BCS1L: variants seen among roughly 807,000 people sequenced by gnomAD.
The protein encoded by BCS1L is mitochondrial chaperone BCS1.
In BCS1L, 38 loss-of-function variants were observed where a neutral mutation model predicts 49.3. The ratio of observed to expected loss-of-function variants is 0.77; its 90% CI spans 0.59 to 1.01. The LOEUF is 1.01. BCS1L is among the 50% of genes least tolerant of loss of function. BCS1L has a pLI of 0.00. For synonymous variants in BCS1L, 193 were observed against 210.1 expected (o/e 0.92, Z 0.70); for missense variants, 394 against 540.2 (o/e 0.73, Z 2.68).
rs755144788 is a variant in BCS1L, at chr2:218,661,013, C to T, written c.26C>T (p.Ala9Val). The change falls in exon 2 of 8, where the codon GCT (alanine) becomes GTT (valine). Residue 9 changes from alanine to valine, a missense_variant. Ala to Val is a moderately conservative substitution (Grantham distance 64). Transcript: ENST00000359273. The surrounding 1 kb of genome is among the most constrained non-coding windows in gnomAD (Gnocchi z 5.9). ...ATGCCACTTTCAGACTTTATTCTGG[C>T]TCTGAAGGACAATCCCTACTTTGGG... is the stretch of plus-strand genomic sequence containing the variant. Reference protein sequence around the residue: MPLSDFILALKDNPYFGAG... With the variant: MPLSDFILVLKDNPYFGAG... The T allele has an allele frequency of 1.9e-6, 3 of 1,613,984 alleles. No individual in the cohort carries two copies. Among genetic ancestry groups the T allele is most frequent in the East Asian group, 2.2e-5 (1 of 44,888 alleles).
chr2:218,660,866 C>T (rs535522659), intron 1 of BCS1L, 73 bp from the exon 2 acceptor site: 121 of 1,102,906 alleles, frequency 1.1e-4, no homozygotes, highest in Non-Finnish European at 1.6e-4. Flanking sequence ...GTAATGCTGA[C>T]CTGTGGCCAG....
intron 7 of BCS1L, 60 bp downstream of exon 7, chr2:218,663,060 T>C: frequency 1.2e-6 from 2 of 1,613,136 alleles, no homozygotes; most frequent in Non-Finnish European, 1.7e-6. Context: ...CCCTAGTGCC[T>C]TGGGAGGAAC....
In BCS1L at chr2:218,661,697, T is replaced by C; in HGVS notation, c.461-62T>C. The C allele has an allele frequency of 6.3e-7, 1 of 1,590,808 alleles. No homozygotes were observed. The highest frequency in any genetic ancestry group is 8.6e-7 in the Non-Finnish European group (1 of 1,166,610). The stretch of plus-strand genomic sequence containing the variant: ...GGAAGCTGTTTGGCACAGCTCCACC[T>C]AATTGAAGAATCAGCCATGGTGAAG... On this transcript the variant is annotated intron_variant, in intron 3 of 7. Transcript: ENST00000359273. The surrounding 1 kb of genome is among the most constrained non-coding windows in gnomAD (Gnocchi z 5.9).
In BCS1L at chr2:218,663,267, G is replaced by A; in HGVS notation, c.1141G>A (p.Ala381Thr). Residue 381 changes from alanine to threonine, a missense_variant, in exon 8 of 8, where the codon GCA becomes ACA. Coordinates refer to ENST00000359273, the MANE Select transcript of BCS1L (RefSeq NM_001079866.2). ...GQAPSLAENF[A>T]EHVLRATNQI... ...GGCACCTTCCTTAGCTGAGAACTTT[G>A]CAGAACATGTCCTTCGAGCTACAAA... The A allele has an allele frequency of 6.2e-7, 1 of 1,614,210 alleles. No homozygotes were observed. Among genetic ancestry groups the A allele is most frequent in the Non-Finnish European group, 8.5e-7 (1 of 1,180,038 alleles).
At position 218,662,237 on chromosome 2, in the gene BCS1L, T is replaced by A; in HGVS notation, c.696T>A (p.Pro232=). The A allele has an allele frequency of 3.1e-6, 5 of 1,614,078 alleles. No individual in the cohort carries two copies. Among genetic ancestry groups the A allele is most frequent in the Non-Finnish European group, 4.2e-6 (5 of 1,179,948 alleles). The change falls in exon 5 of 8, where the codon CCT becomes CCA. Residue 232 remains proline (P), a synonymous_variant. Coordinates refer to ENST00000359273, the MANE Select transcript of BCS1L (RefSeq NM_001079866.2). This position sits in a 1 kb window ranked among gnomAD's most constrained non-coding sequence, Gnocchi z 5.8. Reference sequence around the variant, plus strand: ...GTGGCTACCTGCTTTATGGGCCCCCTGGTTGCGGAAAGAGCAGTTTTATGT... The same window carrying A: ...GTGGCTACCTGCTTTATGGGCCCCCAGGTTGCGGAAAGAGCAGTTTTATGT... ...YRRGYLLYGP[P]GCGKSSFITA...
chr2:218,659,788 G>C lies in BCS1L; in HGVS notation c.-50+45G>C, dbSNP rs1464307421. 6.6e-6 allele frequency: 1 copy of C among 152,468 alleles called. No individual in the cohort carries two copies. The highest frequency in any genetic ancestry group is 2.4e-5 in the African/African-American group (1 of 41,454). The allele number at this position is 152,468 out of a possible 1,614,324, so 9.4% of individuals were successfully genotyped here. A position where few individuals can be genotyped will look rare whatever the true frequency, so the allele number is the denominator to read the frequency against. On this transcript the variant is annotated intron_variant, in intron 1 of 7. Coordinates refer to ENST00000359273, the MANE Select transcript of BCS1L (RefSeq NM_001079866.2). This position sits in a 1 kb window ranked among gnomAD's most constrained non-coding sequence, Gnocchi z 4.4. ...GGTTACCCCAAACCATGTGGCTGGA[G>C]GCGCGAGCTGGGGTGTGGGCGAGGT... is the stretch of plus-strand genomic sequence containing the variant.
Position 218,661,573 on chromosome 2 carries a change from A to G in BCS1L, c.460+28A>G. 1 of 1,613,692 alleles carries G rather than the reference A, an allele frequency of 6.2e-7. No individual in the cohort carries two copies. Among genetic ancestry groups the G allele is most frequent in the South Asian group, 1.1e-5 (1 of 91,056 alleles). On this transcript the variant is annotated intron_variant, in intron 3 of 7. Transcript: ENST00000359273. The surrounding 1 kb of genome is among the most constrained non-coding windows in gnomAD (Gnocchi z 5.9). Reference sequence around the variant, plus strand: ...GTGGGATGGCACAGGCAGGCTTTCTAGGGACATTGCAGGGATGGGGACATT... The same window carrying G: ...GTGGGATGGCACAGGCAGGCTTTCTGGGGACATTGCAGGGATGGGGACATT...
rs1430100468 is a variant in BCS1L at position 218,662,285 on chromosome 2, C to T, written c.719+25C>T. 6.2e-7 allele frequency: 1 copy of T among 1,604,890 alleles called. No individual in the cohort carries two copies. Among genetic ancestry groups the T allele is most frequent in the Non-Finnish European group, 8.5e-7 (1 of 1,171,708 alleles). On this transcript the variant is annotated intron_variant, in intron 5 of 7. Coordinates refer to ENST00000359273, the MANE Select transcript of BCS1L (RefSeq NM_001079866.2). The surrounding 1 kb of genome is among the most constrained non-coding windows in gnomAD (Gnocchi z 5.8). Reference sequence around the variant, plus strand: ...TGTGAGTATTCAAAATTTCTCTCAACTTGGCAAAACGAAGCCTTTGTGGAA... The same window carrying T: ...TGTGAGTATTCAAAATTTCTCTCAATTTGGCAAAACGAAGCCTTTGTGGAA...
intron 7 of BCS1L, 38 bp downstream of exon 7, chr2:218,663,038 G>A (rs779797289): frequency 6.2e-7 from 1 of 1,613,952 alleles, no homozygotes; most frequent in Non-Finnish European, 8.5e-7. Context: ...TTAGGCAAGA[G>A]CCCACCTCCT....
In BCS1L at chr2:218,661,614, A is replaced by C. The variant is rs1939456710; in HGVS notation, c.460+69A>C. ...TGGGGACATTTGACATCAGATGAGCAGTTTGGAGAAGTGGAATAAGCAGGC... is the reference window on the plus strand; with the variant it reads ...TGGGGACATTTGACATCAGATGAGCCGTTTGGAGAAGTGGAATAAGCAGGC... On this transcript the variant is annotated intron_variant, in intron 3 of 7. Coordinates refer to ENST00000359273, the MANE Select transcript of BCS1L (RefSeq NM_001079866.2). The surrounding 1 kb of genome is among the most constrained non-coding windows in gnomAD (Gnocchi z 5.9). 6.2e-7 allele frequency: 1 copy of C among 1,600,956 alleles called. No homozygotes were observed. The highest frequency in any genetic ancestry group is 1.1e-5 in the South Asian group (1 of 89,748).
At position 218,662,876 on chromosome 2, in the gene BCS1L, C is replaced by T; in HGVS notation, c.890-7C>T. ...ACTCATGCTTCCTTATCTTTGCCTT[C>T]CTCCAGACCCAGTAAAGTACCAAGG... On this transcript the variant is annotated splice_polypyrimidine_tract_variant and splice_region_variant and intron_variant, in intron 6 of 7. Coordinates refer to ENST00000359273, the MANE Select transcript of BCS1L (RefSeq NM_001079866.2). The surrounding 1 kb of genome is among the most constrained non-coding windows in gnomAD (Gnocchi z 5.8). The T allele has an allele frequency of 1.9e-6, 3 of 1,613,344 alleles. No individual in the cohort carries two copies. Among genetic ancestry groups the T allele is most frequent in the Non-Finnish European group, 2.5e-6 (3 of 1,179,308 alleles).
intron 1 of BCS1L, 103 bp from the exon 2 acceptor site, chr2:218,660,836 G>A (rs1939296896): frequency 1.3e-6 from 1 of 775,578 alleles, no homozygotes; most frequent in East Asian, 2.6e-5. Flanking sequence ...CCCCACAAAA[G>A]GAGGGTATTG....
chr2:218,662,958 C>T lies in BCS1L; in HGVS notation c.965C>T (p.Thr322Ile). The T allele has an allele frequency of 6.2e-7, 1 of 1,614,108 alleles. No homozygotes were observed. The highest frequency in any genetic ancestry group is 1.1e-5 in the South Asian group (1 of 91,066). ...AATGCCTTGGATGGTGTGGCTTCCA[C>T]CGAGGCCCGCATCGTGTTCATGACC... ...LLNALDGVAS[T>I]EARIVFMTTN... Residue 322 changes from threonine (T) to isoleucine (I), a missense_variant, in exon 7 of 8, where the codon ACC becomes ATC. Thr to Ile is a moderately conservative substitution (Grantham distance 89, BLOSUM62 -1). Transcript: ENST00000359273. This position sits in a 1 kb window ranked among gnomAD's most constrained non-coding sequence, Gnocchi z 5.8.
At position 218,662,568 on chromosome 2, in the gene BCS1L, A is replaced by G. The variant is rs778912513; in HGVS notation, c.778A>G (p.Ser260Gly). ...SICLLSLTDS[S>G]LSDDRLNHLL... is the part of the protein sequence containing the mutation. ...CTGCCTGCTGAGCCTCACGGACTCC[A>G]GCCTCTCTGATGACCGACTCAACCA... The change falls in exon 6 of 8, where the codon AGC (serine) becomes GGC (glycine). Residue 260 changes from serine (S) to glycine (G), a missense_variant. Physicochemically the swap from Ser to Gly is moderately conservative, Grantham distance 56. Coordinates refer to ENST00000359273, the MANE Select transcript of BCS1L (RefSeq NM_001079866.2). The surrounding 1 kb of genome is among the most constrained non-coding windows in gnomAD (Gnocchi z 5.8). The G allele has an allele frequency of 6.2e-7, 1 of 1,614,198 alleles. No individual in the cohort carries two copies. The highest frequency in any genetic ancestry group is 8.5e-7 in the Non-Finnish European group (1 of 1,180,048).
chr2:218,660,420 A>ATC, intron 1 of BCS1L: 1 of 157,902 alleles, frequency 6.3e-6, no homozygotes, highest in Non-Finnish European at 1.4e-5. Context: ...GTGAAGCAGG[A>ATC]GGTGAAGACC....
At position 218,661,140 on chromosome 2, in the gene BCS1L, G is replaced by A. The variant is rs1939355201; in HGVS notation, c.153G>A (p.Leu51=). 6.2e-7 allele frequency: 1 copy of A among 1,614,080 alleles called. No individual in the cohort carries two copies. The highest frequency in any genetic ancestry group is 1.3e-5 in the African/African-American group (1 of 74,930). The change falls in exon 2 of 8, where the codon CTG becomes CTA. Residue 51 remains leucine, a synonymous_variant. Transcript: ENST00000359273. The surrounding 1 kb of genome is among the most constrained non-coding windows in gnomAD (Gnocchi z 5.9). ...VAFRRHYMIT[L]EVPARDRSYA... ...TCCGGCGCCATTACATGATCACACT[G>A]GAAGTCCCTGCTCGAGACAGGAGCT...
rs143363480 is a variant in BCS1L, at chr2:218,661,931, C to A, written c.633C>A (p.Asn211Lys). 1 of 1,613,978 alleles carries A rather than the reference C, an allele frequency of 6.2e-7. No individual in the cohort carries two copies. The highest frequency in any genetic ancestry group is 1.3e-5 in the African/African-American group (1 of 74,916). The part of the protein sequence containing the change: ...IVRDVQEFID[N>K]PKWYTDRGIP... ...GAGACGTCCAGGAATTCATCGATAA[C>A]CCCAAGTGGTACACTGACAGAGGTG... Residue 211 changes from asparagine (N) to lysine (K), a missense_variant, in exon 4 of 8, where the codon AAC becomes AAA. By Grantham distance (94) the Asn-to-Lys change is moderately conservative. Transcript: ENST00000359273. This position sits in a 1 kb window ranked among gnomAD's most constrained non-coding sequence, Gnocchi z 5.9.
chr2:218,660,677 G>A, intron 1 of BCS1L: 1 of 352,512 alleles, frequency 2.8e-6, no homozygotes, highest in Non-Finnish European at 5.3e-6. Context: ...CCATTACCCT[G>A]ATGTGAAGCC....
chr2:218,661,826 G>A lies in BCS1L; in HGVS notation c.528G>A (p.Trp176Ter), dbSNP rs762980642. ...TVMYTAVGSE[W>*]RPFGYPRRRR... is the part of the protein sequence containing the mutation. ...TGTACACAGCTGTGGGCTCTGAATG[G>A]CGTCCCTTTGGCTATCCACGCCGCC... is the stretch of plus-strand genomic sequence containing the variant. The change falls in exon 4 of 8, where the codon TGG becomes TGA. Residue 176 changes from tryptophan to a stop codon, truncating the protein, a stop_gained. Transcript: ENST00000359273. LOFTEE classifies it high-confidence loss of function. This position sits in a 1 kb window ranked among gnomAD's most constrained non-coding sequence, Gnocchi z 5.9. The A allele has an allele frequency of 1.2e-5, 20 of 1,614,080 alleles. No individual in the cohort carries two copies. Among genetic ancestry groups the A allele is most frequent in the Non-Finnish European group, 1.7e-5 (20 of 1,180,022 alleles).
Sources: allele counts gnomAD v4.1 joint callset, GRCh38; gene constraint gnomAD v4.1.1; non-coding constraint Gnocchi (gnomAD v3.1); transcripts MANE v1.5; gene names NCBI Gene and HGNC (gene_info 2026-07-23, HGNC 2026-07-21).